The following GLI3 variants were observed in gnomAD, a reference collection of about 807,000 sequenced individuals.
GLI3 encodes transcription activator GLI3.
In GLI3, 20 loss-of-function variants were observed where a neutral mutation model predicts 100.8. The ratio of observed to expected loss-of-function variants is 0.20; its 90% CI spans 0.14 to 0.29. GLI3 has a LOEUF of 0.29. Among genes scored for constraint, GLI3 ranks in the 10% least tolerant of loss-of-function variants. The pLI is 1.00. For missense variants in GLI3, 2,040 were observed against 2,128.5 expected (o/e 0.96, Z 0.82); for synonymous variants, 938 against 860.5 (o/e 1.09, Z -1.58).
chr7:41,990,121 T>G (rs1354314537), intron 10 of GLI3, among the ~76,000 whole-genome samples: 1 of 98,134 alleles, frequency 1.0e-5, no homozygotes, highest in East Asian at 7.1e-4. Flanking sequence ...TAATGCTTGC[T>G]TACACACACA....
chr7:42,252,197 T>G (rs1789040194), intron 1 of GLI3, among the ~76,000 whole-genome samples: 1 of 151,834 alleles, frequency 6.6e-6, no homozygotes, highest in Non-Finnish European at 1.5e-5. Flanking sequence ...TGTGAGAACA[T>G]GGATGGAGCT....
chr7:42,067,756 G>A (rs184248320), intron 4 of GLI3, among the ~76,000 whole-genome samples: 6 of 152,054 alleles, frequency 3.9e-5, no homozygotes, highest in African/African-American at 1.4e-4. Flanking sequence ...GAGGGACCCT[G>A]TATGGGGGAA....
intron 10 of GLI3, among the ~76,000 whole-genome samples, chr7:41,979,923 TGAA>T (rs1787609228): frequency 1.3e-5 from 2 of 152,076 alleles, no homozygotes; most frequent in Middle Eastern, 6.8e-3. Context: ...AGTCTGAAGG[TGAA>T]GTTCTGCCCT....
intron 1 of GLI3, among the ~76,000 whole-genome samples, chr7:42,260,428 A>G (rs933605816): frequency 6.6e-6 from 1 of 152,228 alleles, no homozygotes; most frequent in Non-Finnish European, 1.5e-5. Flanking sequence ...CATAACACAT[A>G]TGAAAGGTAT....
At chr7:42,100,149 A>T (rs565615790) in intron 3 of GLI3, among the ~76,000 whole-genome samples, 1 of 152,204 alleles carries the variant, frequency 6.6e-6, no homozygotes, top group Non-Finnish European at 1.5e-5. Flanking sequence ...GTATTTTCTC[A>T]CGGAGCTGAA....
intron 3 of GLI3, chr7:42,113,702 A>G (rs1386379024): frequency 8.6e-6 from 6 of 700,836 alleles, no homozygotes; most frequent in African/African-American, 1.8e-5. Context: ...GTTTTATAAA[A>G]ATGCAGAATT....
intron 10 of GLI3, among the ~76,000 whole-genome samples, chr7:42,020,584 T>C (rs980795736): frequency 1.3e-5 from 2 of 152,146 alleles, no homozygotes; most frequent in Non-Finnish European, 2.9e-5. Flanking sequence ...ACCTTGCCTC[T>C]TGGTTGTATG....
intron 2 of GLI3, among the ~76,000 whole-genome samples, chr7:42,175,525 C>T (rs186678390): frequency 8.6e-5 from 13 of 151,766 alleles, no homozygotes; most frequent in Admixed American, 7.2e-4. Flanking sequence ...GGCTGAGGCA[C>T]GAGAATCACT....
intron 3 of GLI3, among the ~76,000 whole-genome samples, chr7:42,114,248 T>A (rs1785790079): frequency 6.6e-6 from 1 of 152,210 alleles, no homozygotes; most frequent in Non-Finnish European, 1.5e-5. Flanking sequence ...CACTCTAAAC[T>A]TACCCTGTTC....
intron 1 of GLI3, among the ~76,000 whole-genome samples, chr7:42,226,679 G>C (rs1024814865): frequency 3.3e-5 from 5 of 152,164 alleles, no homozygotes; most frequent in African/African-American, 1.2e-4. Context: ...GCTTGGAACT[G>C]GGCTATAAAG....
At chr7:42,136,392 T>C (rs1006058471) in intron 3 of GLI3, among the ~76,000 whole-genome samples, 1 of 152,132 alleles carries the variant, frequency 6.6e-6, no homozygotes, top group Non-Finnish European at 1.5e-5. Context: ...ATAATCTCCA[T>C]AATTATAATT....
intron 10 of GLI3, among the ~76,000 whole-genome samples, chr7:41,987,350 G>A (rs577475391): frequency 1.2e-4 from 19 of 152,220 alleles, no homozygotes; most frequent in African/African-American, 3.9e-4. Context: ...TGTATTTTTA[G>A]TAGAGACGGG....
At chr7:42,264,013 G>A (rs1027157818) in exon 1 of GLI3, among the ~76,000 whole-genome samples, 1 of 152,204 alleles carries the variant, frequency 6.6e-6, no homozygotes, top group African/African-American at 2.4e-5. Context: ...TCAGCAATGT[G>A]AGGCTGCTGG....
chr7:41,978,905 C>T (rs1185149942), intron 10 of GLI3, among the ~76,000 whole-genome samples, 157 bp from the exon 11 acceptor site: 1 of 152,190 alleles, frequency 6.6e-6, no homozygotes, highest in Admixed American at 6.5e-5. Flanking sequence ...CCAGTTAGTA[C>T]ACTTCTCAAG....
At chr7:42,230,708 C>G (rs1184144598) in intron 1 of GLI3, among the ~76,000 whole-genome samples, 1 of 152,216 alleles carries the variant, frequency 6.6e-6, no homozygotes, top group African/African-American at 2.4e-5. Flanking sequence ...CCATCTAATA[C>G]TTGTTACCAT....
chr7:42,077,072 G>T (rs1280603085), intron 3 of GLI3, among the ~76,000 whole-genome samples: 2 of 152,172 alleles, frequency 1.3e-5, no homozygotes, highest in African/African-American at 4.8e-5. Flanking sequence ...AGAAGGCAGA[G>T]CCTGGGACTG....
chr7:42,079,205 C>A lies in GLI3; in HGVS notation c.368-2348G>T, dbSNP rs151140179. Reference sequence around the variant, plus strand: ...TTGAATGTTTATTCAGCAATGTTGGCACCTTCATTGCTGCACATAGTTCAG... The same window carrying A: ...TTGAATGTTTATTCAGCAATGTTGGAACCTTCATTGCTGCACATAGTTCAG... On this transcript the variant is annotated intron_variant, in intron 3 of 14. Transcript: ENST00000395925. 1.2e-4 allele frequency among the ~76,000 whole-genome samples: 19 copies of A among 152,296 alleles called. No homozygotes were observed. In the East Asian group the frequency reaches 2.5e-3, roughly 20 times the overall value.
intron 4 of GLI3, among the ~76,000 whole-genome samples, chr7:42,053,080 C>T (rs1473177471): frequency 3.9e-5 from 6 of 152,156 alleles, no homozygotes; most frequent in South Asian, 4.1e-4. Context: ...CTGCAACCTC[C>T]GCCCTCCAGG....
chr7:42,188,143 G>T (rs1400070503), intron 2 of GLI3, among the ~76,000 whole-genome samples: 1 of 152,100 alleles, frequency 6.6e-6, no homozygotes, highest in Non-Finnish European at 1.5e-5. Flanking sequence ...CCAGGAGATG[G>T]AAGAGGCAAG....
Sources: gnomAD v4.1 joint callset for allele counts (sites outside exome capture counted in the v4.1 genomes callset) on GRCh38, gnomAD v4.1.1 for gene constraint, MANE v1.5 for transcripts, NCBI Gene and HGNC (gene_info 2026-07-23, HGNC 2026-07-21) for gene names.